The following LARGE1 variants were observed in gnomAD, a reference collection of about 807,000 sequenced individuals.
The protein encoded by LARGE1 is xylosyl- and glucuronyltransferase LARGE1.
Under a neutral mutation model 87.6 loss-of-function variants are expected in LARGE1, and 43 were observed. The ratio of observed to expected loss-of-function variants is 0.49; its 90% CI spans 0.38 to 0.63. The LOEUF (loss-of-function observed/expected upper bound fraction) is 0.63. Ranked by LOEUF, LARGE1 falls within the 30% of genes least tolerant of loss-of-function variation. The pLI, the probability that LARGE1 is intolerant of heterozygous loss-of-function variation, is 0.00. For missense variants in LARGE1, 802 were observed against 1,000.2 expected, an observed-to-expected ratio of 0.80 and a Z score of 2.67; for synonymous variants, 434 against 394.6, an observed-to-expected ratio of 1.10 and a Z score of -1.18.
At chr22:33,316,374 G>A (rs1288748400) in intron 10 of LARGE1, 126 bp from the exon 11 acceptor site, 6 of 780,160 alleles carry the variant, frequency 7.7e-6, no homozygotes, top group East Asian at 2.7e-5. Flanking sequence ...TGGGTCTGAC[G>A]TACATGGAAG....
intron 6 of LARGE1, among the ~76,000 whole-genome samples, chr22:33,502,199 A>G (rs2070477530): frequency 6.6e-6 from 1 of 151,532 alleles, no homozygotes. Context: ...CCATCTTAAA[A>G]AAAAAAAAAA....
chr22:33,269,103 A>C (rs963348251), downstream of LARGE1, among the ~76,000 whole-genome samples: 1 of 152,208 alleles, frequency 6.6e-6, no homozygotes, highest in East Asian at 1.9e-4. Flanking sequence ...AAAAATACAC[A>C]CTAAAGTATT....
intron 11 of LARGE1, among the ~76,000 whole-genome samples, chr22:33,313,214 C>T (rs1003608541): frequency 1.3e-5 from 2 of 152,132 alleles, no homozygotes; most frequent in Non-Finnish European, 2.9e-5. Flanking sequence ...TTCTCTGTCC[C>T]GTGAACATGC....
chr22:33,529,524 A>C (rs2072089837), intron 6 of LARGE1, among the ~76,000 whole-genome samples: 1 of 152,246 alleles, frequency 6.6e-6, no homozygotes, highest in Non-Finnish European at 1.5e-5. Flanking sequence ...ACCGGGTCAG[A>C]AAGTACTAAA....
Position 33,846,030 on chromosome 22 carries a change from C to T in LARGE1, c.-83+73965G>A, listed in dbSNP as rs181925567. 1.5e-4 allele frequency among the ~76,000 whole-genome samples: 23 copies of T among 152,206 alleles called. No individual in the cohort carries two copies. The East Asian group carries it at 4.2e-3, about 28-fold the overall frequency. On this transcript the variant is annotated intron_variant, in intron 1 of 14. Coordinates refer to ENST00000397394, the MANE Select transcript of LARGE1 (RefSeq NM_133642.5). ...GGTGAAGAACAGAGCTGTTTTTCTA[C>T]AGAGTTTTCCGCTGTCTGAATTTTC... is the stretch of plus-strand genomic sequence containing the variant.
the LARGE1 span, among the ~76,000 whole-genome samples, chr22:33,103,004 C>G: frequency 6.6e-6 from 1 of 152,098 alleles, no homozygotes; most frequent in South Asian, 2.1e-4. Context: ...AATTTTTGGA[C>G]GTCCCCTAGG....
intron 3 of LARGE1, among the ~76,000 whole-genome samples, chr22:33,632,365 C>T (rs541823310): frequency 6.6e-6 from 1 of 152,276 alleles, no homozygotes; most frequent in African/African-American, 2.4e-5. Flanking sequence ...CTCATGTGAT[C>T]CGCCCACCTC....
chr22:33,362,066 C>G (rs2064408152), intron 9 of LARGE1, among the ~76,000 whole-genome samples: 1 of 149,410 alleles, frequency 6.7e-6, no homozygotes, highest in Non-Finnish European at 1.5e-5. Flanking sequence ...TTTCTGTAAA[C>G]CAGCACACTA....
intron 1 of LARGE1, among the ~76,000 whole-genome samples, chr22:33,844,070 A>T: frequency 7.8e-6 from 1 of 128,506 alleles, no homozygotes; most frequent in East Asian, 2.5e-4. Flanking sequence ...CAAAAGTGAA[A>T]CTCCGTCTCA....
At chr22:33,523,598 T>C (rs1320424496) in intron 6 of LARGE1, among the ~76,000 whole-genome samples, 1 of 152,230 alleles carries the variant, frequency 6.6e-6, no homozygotes, top group African/African-American at 2.4e-5. Context: ...CTGTTTTAAA[T>C]GTCACCATTT....
chr22:33,144,832 T>G, the LARGE1 span, among the ~76,000 whole-genome samples: 1 of 152,280 alleles, frequency 6.6e-6, no homozygotes. Context: ...AAATGCTCAA[T>G]CATCATAAGG....
At chr22:33,351,134 G>A (rs1271346843) in intron 9 of LARGE1, among the ~76,000 whole-genome samples, 3 of 152,224 alleles carry the variant, frequency 2.0e-5, no homozygotes, top group Non-Finnish European at 4.4e-5. Flanking sequence ...GCACTGTCTT[G>A]TTCACTATTG....
At chr22:33,909,528 T>G (rs1395254855) in intron 1 of LARGE1, among the ~76,000 whole-genome samples, 1 of 132,204 alleles carries the variant, frequency 7.6e-6, no homozygotes, top group Non-Finnish European at 1.6e-5. Flanking sequence ...TTTTGTTTTT[T>G]TTTTTTTGTT....
At chr22:33,658,388 C>T (rs1209711095) in intron 2 of LARGE1, among the ~76,000 whole-genome samples, 1 of 152,182 alleles carries the variant, frequency 6.6e-6, no homozygotes, top group East Asian at 1.9e-4. Context: ...CAACCCATCA[C>T]TTAGCTATTA....
intron 7 of LARGE1, among the ~76,000 whole-genome samples, chr22:33,422,878 C>A (rs2066743726): frequency 6.6e-6 from 1 of 152,168 alleles, no homozygotes; most frequent in South Asian, 2.1e-4. Context: ...GATCCAATCA[C>A]TTCCCACCAG....
intron 6 of LARGE1, among the ~76,000 whole-genome samples, chr22:33,516,419 G>A (rs374602858): frequency 6.6e-6 from 1 of 151,964 alleles, no homozygotes; most frequent in African/African-American, 2.4e-5. Context: ...TTGGTTTAAT[G>A]GCTTGCTATC....
chr22:33,154,466 C>T, the LARGE1 span, among the ~76,000 whole-genome samples: 1 of 152,154 alleles, frequency 6.6e-6, no homozygotes, highest in East Asian at 1.9e-4. Context: ...TCTCGAACTC[C>T]TGACCTAAGG....
chr22:33,866,510 A>C (rs1397760239), intron 1 of LARGE1, among the ~76,000 whole-genome samples: 1 of 152,176 alleles, frequency 6.6e-6, no homozygotes, highest in Non-Finnish European at 1.5e-5. Flanking sequence ...ATGAAGGTGA[A>C]GGAGTAGCTT....
At chr22:33,219,208 C>CTT (rs1925346478) in intron 11 of LARGE1, among the ~76,000 whole-genome samples, 1 of 152,166 alleles carries the variant, frequency 6.6e-6, no homozygotes, top group Non-Finnish European at 1.5e-5. Flanking sequence ...TGGAACTAGG[C>CTT]TTCAGACTGA....
Sources: allele counts gnomAD v4.1 joint callset (sites outside exome capture counted in the v4.1 genomes callset), GRCh38; gene constraint gnomAD v4.1.1; transcripts MANE v1.5; gene names NCBI Gene and HGNC (gene_info 2026-07-23, HGNC 2026-07-21).